The following MSI2 variants were observed in gnomAD, a reference collection of about 807,000 sequenced individuals.
The protein encoded by MSI2 is musashi RNA binding protein 2, also known as RNA-binding protein Musashi homolog 2.
A neutral mutation model predicts 45.6 loss-of-function variants in MSI2; 17 were observed. That is an observed-to-expected ratio of 0.37 (90% CI 0.26 to 0.56). The LOEUF is 0.56. Among genes scored for constraint, MSI2 ranks in the 20% least tolerant of loss-of-function variants. The pLI is 0.77. For synonymous variants in MSI2, 156 were observed against 158.2 expected, an observed-to-expected ratio of 0.99 and a Z score of 0.11; for missense variants, 293 against 444.2, an observed-to-expected ratio of 0.66 and a Z score of 3.06.
At chr17:57,374,053 T>C (rs575397625) in intron 5 of MSI2, among the ~76,000 whole-genome samples, 1 of 152,138 alleles carries the variant, frequency 6.6e-6, no homozygotes, top group Non-Finnish European at 1.5e-5. Context: ...TAGACTTCAG[T>C]TCTGTGTTAT....
intron 6 of MSI2, among the ~76,000 whole-genome samples, chr17:57,506,374 G>GGGAT (rs1252480939): frequency 2.6e-5 from 4 of 152,232 alleles, no homozygotes; most frequent in African/African-American, 9.7e-5. Flanking sequence ...GTAGATGAGA[G>GGGAT]GGATCTGTAA....
At chr17:57,654,140 C>G (rs9894085) in intron 11 of MSI2, among the ~76,000 whole-genome samples, 124,683 of 152,178 alleles carry the variant, frequency 0.82, 51,732 homozygotes, top group African/African-American at 0.93. Flanking sequence ...GGTGCCCGCC[C>G]CGCCCCACAG....
chr17:57,619,539 C>T (rs1162465593), intron 9 of MSI2, among the ~76,000 whole-genome samples: 1 of 152,206 alleles, frequency 6.6e-6, no homozygotes, highest in Non-Finnish European at 1.5e-5. Flanking sequence ...TCGGAATAAA[C>T]AGGCTTGGAA....
At position 57,603,975 on chromosome 17, in the gene MSI2, G is replaced by A. The variant is rs913605502; in HGVS notation, c.537+7025G>A. On this transcript the variant is annotated intron_variant, in intron 8 of 13. Coordinates refer to ENST00000284073, the MANE Select transcript of MSI2 (RefSeq NM_138962.4). ...CCCCAAACAGGCACACGAGTTTGGG[G>A]ATAGCAGCCTGTGGAAAGTATCAGT... 2.0e-5 allele frequency among the ~76,000 whole-genome samples: 3 copies of A among 152,266 alleles called. No individual in the cohort carries two copies. The East Asian group carries it at 5.8e-4, about 29-fold the overall frequency.
chr17:57,450,283 GAAAGAAAGAAAGAAAGAAA>G (rs2084982871), intron 6 of MSI2: 2 of 131,668 alleles, frequency 1.5e-5, no homozygotes, highest in South Asian at 2.3e-4. Flanking sequence ...AAGAAAGAAA[GAAAGAAAGAAAGAAAGAAA>G]GAAAGAAAGA....
chr17:57,502,547 T>C (rs1244240034), intron 6 of MSI2, among the ~76,000 whole-genome samples: 1 of 144,882 alleles, frequency 6.9e-6, no homozygotes, highest in Non-Finnish European at 1.5e-5. Context: ...TTAGCTGCTA[T>C]TATTATTGTT....
intron 5 of MSI2, among the ~76,000 whole-genome samples, chr17:57,320,382 G>C (rs9904570): frequency 6.6e-6 from 1 of 151,886 alleles, no homozygotes; most frequent in Non-Finnish European, 1.5e-5. Flanking sequence ...GAATGCGGGG[G>C]CTTGAATCCA....
intron 11 of MSI2, among the ~76,000 whole-genome samples, chr17:57,660,573 C>T (rs1911921812): frequency 6.6e-6 from 1 of 152,160 alleles, no homozygotes; most frequent in African/African-American, 2.4e-5. Context: ...TGGGTAATTA[C>T]AATAGGATGC....
intron 7 of MSI2, among the ~76,000 whole-genome samples, chr17:57,594,675 G>A (rs375656867): frequency 4.6e-5 from 7 of 152,196 alleles, no homozygotes; most frequent in Non-Finnish European, 7.4e-5. Flanking sequence ...CCTGGTTTAG[G>A]GGGTAGGGGG....
Position 57,284,483 on chromosome 17 carries a change from C to G in MSI2, c.312+22291C>G, listed in dbSNP as rs187904320. Among the ~76,000 whole-genome samples the G allele has an allele frequency of 4.7e-4, 72 of 152,240 alleles. 1 individual carries two copies. In the East Asian group the frequency reaches 0.012, roughly 26 times the overall value. ...GTTTTTTCTCTTGACAAGCTCATTC[C>G]CTACAGCTGTGCAGTCACAGCCCAC... is the stretch of plus-strand genomic sequence containing the variant. On this transcript the variant is annotated intron_variant, in intron 5 of 13. Transcript: ENST00000284073.
At chr17:57,618,847 G>A (rs1908001806) in intron 9 of MSI2, among the ~76,000 whole-genome samples, 1 of 152,068 alleles carries the variant, frequency 6.6e-6, no homozygotes, top group African/African-American at 2.4e-5. Flanking sequence ...CAGCAACGCT[G>A]TCTCTTAAAA....
At position 57,682,410 on chromosome 17, in the gene MSI2, A is replaced by G. The variant is rs1913668417; in HGVS notation, c.*2893A>G. 1 of 166,314 alleles carries G rather than the reference A, an allele frequency of 6.0e-6. No homozygotes were observed. Among genetic ancestry groups the G allele is most frequent in the Admixed American group, 7.3e-5 (1 of 13,690 alleles). 10.3% of individuals were successfully genotyped at this position (166,314 alleles called of 1,614,324 possible). On this transcript the variant is annotated 3_prime_UTR_variant, in exon 14 of 14. Transcript: ENST00000284073. ...CTGGATTTTTTTAATTTATTTTTTA[A>G]AAGAGGGAGGCATGGTATATTAAAA...
At chr17:57,565,083 G>A (rs1259662408) in intron 7 of MSI2, among the ~76,000 whole-genome samples, 3 of 152,176 alleles carry the variant, frequency 2.0e-5, no homozygotes, top group African/African-American at 7.2e-5. Context: ...CAGAGACATG[G>A]TTACTTGCTG....
chr17:57,305,071 C>T (rs1402187700), intron 5 of MSI2, among the ~76,000 whole-genome samples: 7 of 152,132 alleles, frequency 4.6e-5, no homozygotes, highest in African/African-American at 1.7e-4. Context: ...GACGTGATTA[C>T]AGGCAGGAGA....
intron 4 of MSI2, among the ~76,000 whole-genome samples, chr17:57,261,300 G>A (rs576838521): frequency 2.4e-4 from 37 of 152,062 alleles, no homozygotes; most frequent in Admixed American, 8.5e-4. Context: ...TGAGGTTGGG[G>A]TAGGGGAATT....
At chr17:57,278,402 C>T (rs1909072230) in intron 5 of MSI2, 1 of 152,454 alleles carries the variant, frequency 6.6e-6, no homozygotes, top group African/African-American at 2.4e-5. Context: ...GACATCTTAA[C>T]TACTTCACTG....
intron 6 of MSI2, among the ~76,000 whole-genome samples, chr17:57,445,681 T>C (rs1455465040): frequency 6.6e-6 from 1 of 152,094 alleles, no homozygotes; most frequent in East Asian, 1.9e-4. Flanking sequence ...AAAATTACAG[T>C]GTTTATAAGC....
At chr17:57,590,043 C>T (rs575466099) in intron 7 of MSI2, among the ~76,000 whole-genome samples, 1 of 152,336 alleles carries the variant, frequency 6.6e-6, no homozygotes, top group East Asian at 1.9e-4. Context: ...GAGAGGGAAG[C>T]TGCATGAGTT....
chr17:57,332,273 G>A (rs907369989), intron 5 of MSI2, among the ~76,000 whole-genome samples: 2 of 152,054 alleles, frequency 1.3e-5, no homozygotes, highest in Non-Finnish European at 2.9e-5. Flanking sequence ...GCTAATTTTT[G>A]TATTTTTGGT....
Sources: gnomAD v4.1 joint callset for allele counts (sites outside exome capture counted in the v4.1 genomes callset) on GRCh38, gnomAD v4.1.1 for gene constraint, MANE v1.5 for transcripts, NCBI Gene and HGNC (gene_info 2026-07-23, HGNC 2026-07-21) for gene names.